The following CHCHD3 variants were observed in gnomAD, a reference collection of about 807,000 sequenced individuals.
CHCHD3 encodes the protein MICOS complex subunit MIC19.
In CHCHD3, 20 loss-of-function variants were observed where a neutral mutation model predicts 38.2. That is an observed-to-expected ratio of 0.52 (90% CI 0.37 to 0.76). CHCHD3 has a LOEUF of 0.76. CHCHD3 is among the 30% of genes least tolerant of loss of function. CHCHD3 has a pLI of 0.00. For synonymous variants in CHCHD3, 82 were observed against 100.0 expected, an observed-to-expected ratio of 0.82 and a Z score of 1.07; for missense variants, 245 against 279.2, an observed-to-expected ratio of 0.88 and a Z score of 0.87.
intron 4 of CHCHD3, among the ~76,000 whole-genome samples, chr7:132,896,996 A>G (rs906128145): frequency 6.6e-6 from 1 of 152,220 alleles, no homozygotes; most frequent in South Asian, 2.1e-4. Context: ...GTTATCAACT[A>G]CTGAATGCTA....
chr7:132,883,858 T>C (rs771976258), intron 5 of CHCHD3, among the ~76,000 whole-genome samples: 2 of 152,140 alleles, frequency 1.3e-5, no homozygotes, highest in Non-Finnish European at 2.9e-5. Flanking sequence ...ACAATCAAAC[T>C]CCTGATTTCC....
At chr7:133,081,141 C>G (rs1815159602) in intron 1 of CHCHD3, among the ~76,000 whole-genome samples, 2 of 152,172 alleles carry the variant, frequency 1.3e-5, no homozygotes, top group Non-Finnish European at 2.9e-5. Flanking sequence ...GAAATGACTA[C>G]ATTACTTCTA....
intron 4 of CHCHD3, among the ~76,000 whole-genome samples, chr7:132,936,617 T>A (rs1272017183): frequency 2.6e-5 from 4 of 152,224 alleles, no homozygotes; most frequent in Non-Finnish European, 4.4e-5. Context: ...TTATTCAAAC[T>A]GTGAGAAACC....
intron 4 of CHCHD3, among the ~76,000 whole-genome samples, chr7:132,945,948 T>A (rs771131463): frequency 1.3e-5 from 2 of 151,854 alleles, no homozygotes; most frequent in Non-Finnish European, 2.9e-5. Context: ...GTTACAAAAG[T>A]TCAGATAAAC....
chr7:132,908,995 G>C (rs976491211), intron 4 of CHCHD3, among the ~76,000 whole-genome samples: 1 of 152,074 alleles, frequency 6.6e-6, no homozygotes, highest in Non-Finnish European at 1.5e-5. Context: ...CCGGTAAGAG[G>C]TAATTGAATC....
At position 132,915,810 on chromosome 7, in the gene CHCHD3, T is replaced by C. The variant is rs116738192; in HGVS notation, c.370-30065A>G. Reference sequence around the variant, plus strand: ...TTCTTTTAATCTTTGCTCCTATTGCTACCTAGCCAATCCTTGAACTTCTTC... The same window carrying C: ...TTCTTTTAATCTTTGCTCCTATTGCCACCTAGCCAATCCTTGAACTTCTTC... On this transcript the variant is annotated intron_variant, in intron 4 of 7. Coordinates refer to ENST00000262570, the MANE Select transcript of CHCHD3 (RefSeq NM_017812.4). Among the ~76,000 whole-genome samples, 347 of 152,290 alleles carry C rather than the reference T, an allele frequency of 2.3e-3. 2 individuals are homozygous for C. Among genetic ancestry groups the C allele is most frequent in the African/African-American group, 7.7e-3 (321 of 41,564 alleles).
chr7:133,074,710 T>C (rs1164321055), intron 1 of CHCHD3, among the ~76,000 whole-genome samples: 3 of 152,206 alleles, frequency 2.0e-5, no homozygotes, highest in Admixed American at 6.5e-5. Flanking sequence ...ATTTTTAGAA[T>C]CTTAAAGCTA....
intron 2 of CHCHD3, among the ~76,000 whole-genome samples, chr7:133,062,386 T>A (rs1473591394): frequency 6.6e-6 from 1 of 152,244 alleles, no homozygotes; most frequent in Non-Finnish European, 1.5e-5. Context: ...CTATGCTTTA[T>A]ATTCTATTAG....
In CHCHD3 at chr7:132,928,281, G is replaced by A. The variant is rs1810425022; in HGVS notation, c.370-42536C>T. Among the ~76,000 whole-genome samples the A allele has an allele frequency of 2.0e-5, 3 of 152,166 alleles. No homozygotes were observed. In the South Asian group the frequency reaches 6.2e-4, roughly 32 times the overall value. On this transcript the variant is annotated intron_variant, in intron 4 of 7. Transcript: ENST00000262570. ...GCCAGGAAGGGGCCAATTAACTTAG[G>A]GAAGCAATATCAATATCTGATTAGC...
rs575857884 is a variant in CHCHD3 at position 133,066,392 on chromosome 7, T to C, written c.169+3750A>G. On this transcript the variant is annotated intron_variant, in intron 2 of 7. Coordinates refer to ENST00000262570, the MANE Select transcript of CHCHD3 (RefSeq NM_017812.4). ...GCCTCAGTATCCTGAGTAGCTGGGA[T>C]TACAGGCATGTGCCACCACGCCCAG... 1.5e-3 allele frequency among the ~76,000 whole-genome samples: 222 copies of C among 152,144 alleles called. 1 individual carries two copies. The highest frequency in any genetic ancestry group is 5.0e-3 in the African/African-American group (207 of 41,496).
intron 7 of CHCHD3, among the ~76,000 whole-genome samples, chr7:132,792,942 C>G (rs1323012970): frequency 6.6e-6 from 1 of 152,210 alleles, no homozygotes; most frequent in African/African-American, 2.4e-5. Context: ...CAGCCCAATT[C>G]TACAAGTAAA....
chr7:132,988,687 G>A (rs979213531), intron 3 of CHCHD3, among the ~76,000 whole-genome samples: 3 of 152,104 alleles, frequency 2.0e-5, no homozygotes, highest in African/African-American at 7.2e-5. Flanking sequence ...GATGAGGTGG[G>A]AGGATCACTT....
intron 1 of CHCHD3, among the ~76,000 whole-genome samples, chr7:133,075,811 G>A (rs955536883): frequency 6.6e-6 from 1 of 152,166 alleles, no homozygotes; most frequent in Non-Finnish European, 1.5e-5. Context: ...TATAATCCCA[G>A]CACTTTGGGA....
chr7:132,932,170 C>A (rs530414866), intron 4 of CHCHD3, among the ~76,000 whole-genome samples: 1 of 152,290 alleles, frequency 6.6e-6, no homozygotes, highest in African/African-American at 2.4e-5. Context: ...ATCAATCAAT[C>A]CAACATGGCC....
At chr7:132,799,530 C>G (rs140086215) in intron 6 of CHCHD3, among the ~76,000 whole-genome samples, 1 of 151,800 alleles carries the variant, frequency 6.6e-6, no homozygotes, top group Non-Finnish European at 1.5e-5. Context: ...CAGCAAAGGA[C>G]GATTAGACAA....
chr7:132,907,948 CA>C (rs1489037148), intron 4 of CHCHD3, among the ~76,000 whole-genome samples: 3 of 152,000 alleles, frequency 2.0e-5, no homozygotes, highest in Non-Finnish European at 4.4e-5. Context: ...GTCAAAAACC[CA>C]GGGAAATGTA....
intron 6 of CHCHD3, among the ~76,000 whole-genome samples, chr7:132,834,089 A>G (rs1228117650): frequency 1.3e-5 from 2 of 152,220 alleles, no homozygotes; most frequent in Non-Finnish European, 2.9e-5. Flanking sequence ...TAAGCTGGTC[A>G]TACAGATAGG....
Position 132,856,084 on chromosome 7 carries a change from T to C in CHCHD3, c.454-17615A>G, listed in dbSNP as rs575197727. 2.0e-5 allele frequency among the ~76,000 whole-genome samples: 3 copies of C among 152,340 alleles called. No homozygotes were observed. The East Asian group carries it at 5.8e-4, about 29-fold the overall frequency. On this transcript the variant is annotated intron_variant, in intron 5 of 7. Coordinates refer to ENST00000262570, the MANE Select transcript of CHCHD3 (RefSeq NM_017812.4). ...CCAAGGGGTGATAATAAAATGCATT[T>C]CATCAAATGATCTTTCAGTCTGGCA...
At chr7:132,953,394 G>C (rs1364213878) in intron 4 of CHCHD3, among the ~76,000 whole-genome samples, 1 of 152,130 alleles carries the variant, frequency 6.6e-6, no homozygotes, top group African/African-American at 2.4e-5. Context: ...AGACTGCCCT[G>C]AGGGACATCC....
Sources: gnomAD v4.1 joint callset for allele counts (sites outside exome capture counted in the v4.1 genomes callset) on GRCh38, gnomAD v4.1.1 for gene constraint, MANE v1.5 for transcripts, NCBI Gene and HGNC (gene_info 2026-07-23, HGNC 2026-07-21) for gene names.